The following CTPS2 variants were observed in gnomAD, a reference collection of about 807,000 sequenced individuals.
The protein encoded by CTPS2 is CTP synthase 2.
Under a neutral mutation model 46.8 loss-of-function variants are expected in CTPS2, and 19 were observed. The observed-to-expected ratio is 0.41, with a 90% CI of 0.28 to 0.60. CTPS2 has a LOEUF of 0.60. Among genes scored for constraint, CTPS2 ranks in the 20% least tolerant of loss-of-function variants. CTPS2 has a pLI of 0.35. For synonymous variants in CTPS2, 151 were observed against 165.2 expected, an observed-to-expected ratio of 0.91 and a Z score of 0.66; for missense variants, 286 against 447.6, an observed-to-expected ratio of 0.64 and a Z score of 3.26.
At chrX:16,673,279 C>T (rs1921937697) in intron 10 of CTPS2, among the ~76,000 whole-genome samples, 1 of 111,173 alleles carries the variant, frequency 9.0e-6, no homozygotes, top group Non-Finnish European at 1.9e-5. Flanking sequence ...AGAATGTGGG[C>T]CTAGGACCCC....
At chrX:16,658,672 C>T (rs1345205536) in intron 13 of CTPS2, among the ~76,000 whole-genome samples, 1 of 112,363 alleles carries the variant, frequency 8.9e-6, no homozygotes, top group Non-Finnish European at 1.9e-5. Flanking sequence ...GGAAGGAGAA[C>T]GCCAGCTTCA....
chrX:16,706,935 CG>C (rs1925064088), intron 1 of CTPS2, among the ~76,000 whole-genome samples: 1 of 107,371 alleles, frequency 9.3e-6, no homozygotes, highest in Non-Finnish European at 1.9e-5. Flanking sequence ...CCCAGCTACT[CG>C]GGAGGCTGAG....
chrX:16,705,141 T>C (rs914293895), intron 1 of CTPS2, among the ~76,000 whole-genome samples: 2 of 104,706 alleles, frequency 1.9e-5, no homozygotes, highest in Non-Finnish European at 3.9e-5. Context: ...CTAAAATTAC[T>C]CTAAAAAAAA....
rs181192134 is a variant in CTPS2 at position 16,665,337 on chromosome X, G to A, written c.1296+2177C>T. Among the ~76,000 whole-genome samples the A allele has an allele frequency of 5.3e-5, 6 of 112,623 alleles. No individual in the cohort carries two copies. In the East Asian group the frequency reaches 1.7e-3, roughly 31 times the overall value. ...AAAAACTTGCACATGAATGTTCACA[G>A]CAGCGTTAGTCACAATGCCAAAAAG... On this transcript the variant is annotated intron_variant, in intron 13 of 18. Transcript: ENST00000359276.
chrX:16,601,697 T>C (rs184382508), intron 17 of CTPS2, among the ~76,000 whole-genome samples: 3 of 110,285 alleles, frequency 2.7e-5, no homozygotes, highest in African/African-American at 6.6e-5. Context: ...AGGCAAGAGA[T>C]AGATACTGGA....
chrX:16,650,871 T>A, intron 13 of CTPS2: 1 of 553,439 alleles, frequency 1.8e-6, no homozygotes, highest in East Asian at 3.4e-5. Context: ...CCCGACATTC[T>A]CTTTTCCTTA....
At chrX:16,600,483 T>A (rs771106856) in intron 17 of CTPS2, among the ~76,000 whole-genome samples, 124 of 111,784 alleles carry the variant, frequency 1.1e-3, no homozygotes, top group Middle Eastern at 4.7e-3. Flanking sequence ...ATAAGAACAA[T>A]GGAACAAAAA....
At position 16,660,798 on chromosome X, in the gene CTPS2, C is replaced by T. The variant is rs145478004; in HGVS notation, c.1296+6716G>A. Among the ~76,000 whole-genome samples the T allele has an allele frequency of 6.5e-3, 722 of 110,918 alleles. 5 individuals are homozygous for T. Among genetic ancestry groups the T allele is most frequent in the African/African-American group, 0.022 (673 of 30,498 alleles). On this transcript the variant is annotated intron_variant, in intron 13 of 18. Transcript: ENST00000359276. ...TGCTTAGATTACAGGTGTGAGCCAC[C>T]GTGCCCAGGCAAGAACTTTTCTTTC... is the stretch of plus-strand genomic sequence containing the variant.
Position 16,702,731 on chromosome X carries a change from T to TCGTACCGTGTTCATAAGGTGA in CTPS2, c.151_166+5dup. On this transcript the variant is annotated splice_donor_region_variant and intron_variant, in intron 2 of 18. Coordinates refer to ENST00000359276, the MANE Select transcript of CTPS2 (RefSeq NM_175859.3). ...GCTATAAGGGGGAAGTGGTTCACTT[T>TCGTACCGTGTTCATAAGGTGA]CGTACCGTGTTCATAAGGTGAAAAA... is the stretch of plus-strand genomic sequence containing the variant. 3 of 1,208,065 alleles carry TCGTACCGTGTTCATAAGGTGA rather than the reference T, an allele frequency of 2.5e-6. No homozygotes were observed. Among genetic ancestry groups the TCGTACCGTGTTCATAAGGTGA allele is most frequent in the Non-Finnish European group, 3.4e-6 (3 of 892,495 alleles).
intron 14 of CTPS2, among the ~76,000 whole-genome samples, chrX:16,621,223 A>G (rs1352069255): frequency 1.0e-5 from 1 of 100,210 alleles, no homozygotes; most frequent in Non-Finnish European, 2.0e-5. Flanking sequence ...CTTCATTGTC[A>G]GGTGAATAGG....
intron 1 of CTPS2, 55 bp from the exon 2 acceptor site, chrX:16,702,996 G>A: frequency 1.5e-6 from 1 of 679,013 alleles, no homozygotes; most frequent in Non-Finnish European, 2.2e-6. Flanking sequence ...AACTAGTAAA[G>A]CAGACAGTGT....
chrX:16,623,405 C>T (rs767585689), intron 14 of CTPS2, among the ~76,000 whole-genome samples: 2 of 111,504 alleles, frequency 1.8e-5, no homozygotes, highest in South Asian at 7.6e-4. Context: ...CACCTCCCTA[C>T]CAGCCCCCCA....
At chrX:16,643,958 A>C (rs1190059138) in intron 13 of CTPS2, among the ~76,000 whole-genome samples, 1 of 111,154 alleles carries the variant, frequency 9.0e-6, no homozygotes, top group Non-Finnish European at 1.9e-5. Flanking sequence ...CCTCATAATT[A>C]ATGCCATTGT....
At chrX:16,693,040 G>C (rs1392394528) in intron 6 of CTPS2, 101 bp downstream of exon 6, 1 of 607,288 alleles carries the variant, frequency 1.6e-6, no homozygotes, top group East Asian at 3.4e-5. Flanking sequence ...CTGGGTGACA[G>C]AGCAAGACTC....
intron 13 of CTPS2, among the ~76,000 whole-genome samples, chrX:16,642,001 G>A (rs982421907): frequency 2.7e-5 from 3 of 111,950 alleles, no homozygotes; most frequent in African/African-American, 9.7e-5. Context: ...CAGAGAAAGA[G>A]CTAGAAGAAG....
At chrX:16,670,883 A>T (rs1921690894) in intron 10 of CTPS2, among the ~76,000 whole-genome samples, 1 of 111,522 alleles carries the variant, frequency 9.0e-6, no homozygotes, top group African/African-American at 3.3e-5. Context: ...CTCACAACTG[A>T]CCTCAATATA....
At position 16,689,117 on chromosome X, in the gene CTPS2, CA is replaced by C. The variant is rs201467686; in HGVS notation, c.872+332del. On this transcript the variant is annotated intron_variant, in intron 8 of 18. Transcript: ENST00000359276. The stretch of plus-strand genomic sequence containing the variant: ...CTCAAAAAAGAAAAAAGAAAACAAA[CA>C]AAAAAAAATTTTAAATATTCAGAAA... Among the ~76,000 whole-genome samples, 637 of 110,279 alleles carry C rather than the reference CA, an allele frequency of 5.8e-3. 25 individuals carry two copies. The highest frequency in any genetic ancestry group is 0.05 in the Admixed American group (516 of 10,240).
chrX:16,593,292 G>A lies in CTPS2; in HGVS notation c.1692-2430C>T, dbSNP rs771971375. Among the ~76,000 whole-genome samples, 4 of 109,635 alleles carry A rather than the reference G, an allele frequency of 3.6e-5. No individual in the cohort carries two copies. In the South Asian group the frequency reaches 1.2e-3, roughly 33 times the overall value. ...AAAATACAAAAAATTAGCCGGGTGT[G>A]GTGGCGGGCGCCTGTAGTCCCAGCT... On this transcript the variant is annotated intron_variant, in intron 17 of 18. Coordinates refer to ENST00000359276, the MANE Select transcript of CTPS2 (RefSeq NM_175859.3).
intron 17 of CTPS2, among the ~76,000 whole-genome samples, chrX:16,609,011 T>G (rs1930128934): frequency 8.9e-6 from 1 of 111,935 alleles, no homozygotes; most frequent in Non-Finnish European, 1.9e-5. Flanking sequence ...AGTAAAATAT[T>G]TGACTACATA....
Sources: allele counts gnomAD v4.1 joint callset (sites outside exome capture counted in the v4.1 genomes callset), GRCh38; gene constraint gnomAD v4.1.1; transcripts MANE v1.5; gene names NCBI Gene and HGNC (gene_info 2026-07-23, HGNC 2026-07-21).